The following CDH13 variants were observed in gnomAD, a reference collection of about 807,000 sequenced individuals.
CDH13 encodes the protein cadherin-13.
In CDH13, 24 loss-of-function variants were observed where a neutral mutation model predicts 63.8. That is an observed-to-expected ratio of 0.38 (90% CI 0.27 to 0.53). CDH13 has a LOEUF of 0.53. Ranked by LOEUF, CDH13 falls within the 20% of genes least tolerant of loss-of-function variation. CDH13 has a pLI of 0.85. For missense variants in CDH13, 1,049 were observed against 903.1 expected, an observed-to-expected ratio of 1.16 and a Z score of -2.07; for synonymous variants, 503 against 355.3, an observed-to-expected ratio of 1.42 and a Z score of -4.67.
At chr16:83,023,274 T>A (rs894107966) in intron 2 of CDH13, among the ~76,000 whole-genome samples, 1 of 151,730 alleles carries the variant, frequency 6.6e-6, no homozygotes, top group South Asian at 2.1e-4. Flanking sequence ...TAATTTGCAA[T>A]TTCCCCCAGG....
chr16:83,215,501 G>GAAA (rs59699629), intron 4 of CDH13, among the ~76,000 whole-genome samples: 1 of 148,152 alleles, frequency 6.7e-6, no homozygotes. Context: ...TTTTTAATCG[G>GAAA]AAAAAAAAAA....
At chr16:82,637,519 C>G (rs1908814082) in intron 1 of CDH13, 1 of 147,298 alleles carries the variant, frequency 6.8e-6, no homozygotes, top group African/African-American at 2.6e-5. Context: ...CAAGCTCCGC[C>G]TCCCGGGTTC....
intron 5 of CDH13, among the ~76,000 whole-genome samples, chr16:83,343,092 A>G (rs1254034910): frequency 6.6e-6 from 1 of 151,942 alleles, no homozygotes; most frequent in African/African-American, 2.4e-5. Context: ...TTCTTATTAC[A>G]TGCATTATTT....
chr16:82,880,674 A>T, intron 2 of CDH13, among the ~76,000 whole-genome samples: 1 of 152,188 alleles, frequency 6.6e-6, no homozygotes, highest in East Asian at 1.9e-4. Flanking sequence ...ACTGTAGTGA[A>T]AAACATCTTA....
At chr16:83,682,692 T>A (rs1209939294) in intron 10 of CDH13, among the ~76,000 whole-genome samples, 1 of 152,172 alleles carries the variant, frequency 6.6e-6, no homozygotes, top group Non-Finnish European at 1.5e-5. Context: ...GTCTCTCTGC[T>A]GCTCTGTCTC....
intron 4 of CDH13, among the ~76,000 whole-genome samples, chr16:83,137,175 G>C (rs540305723): frequency 2.0e-5 from 3 of 152,228 alleles, no homozygotes; most frequent in Non-Finnish European, 4.4e-5. Flanking sequence ...CTCATGCCCA[G>C]TTTAGCAGTG....
At chr16:83,388,750 C>G (rs1417807423) in intron 6 of CDH13, among the ~76,000 whole-genome samples, 1 of 152,166 alleles carries the variant, frequency 6.6e-6, no homozygotes, top group Non-Finnish European at 1.5e-5. Flanking sequence ...CCTTCTATCT[C>G]TCCACCACCC....
At chr16:83,329,823 A>C (rs569835167) in intron 5 of CDH13, among the ~76,000 whole-genome samples, 4 of 152,316 alleles carry the variant, frequency 2.6e-5, no homozygotes, top group South Asian at 2.1e-4. Context: ...AATGTCTTCA[A>C]GGTTCACTTA....
At chr16:82,758,074 A>G (rs2034687063) in intron 1 of CDH13, among the ~76,000 whole-genome samples, 1 of 152,108 alleles carries the variant, frequency 6.6e-6, no homozygotes, top group African/African-American at 2.4e-5. Flanking sequence ...ATCTTTGTTC[A>G]TGACCGGTGA....
intron 4 of CDH13, among the ~76,000 whole-genome samples, chr16:83,215,445 G>A (rs116413141): frequency 0.029 from 4,413 of 151,546 alleles, 209 homozygotes; most frequent in African/African-American, 0.1. Flanking sequence ...ACAAACATAT[G>A]TAATTGGTGT....
At chr16:82,806,140 A>G (rs992447485) in intron 1 of CDH13, among the ~76,000 whole-genome samples, 2 of 152,136 alleles carry the variant, frequency 1.3e-5, no homozygotes, top group African/African-American at 2.4e-5. Flanking sequence ...CCACTGTTTT[A>G]GTCTTTTCCC....
At chr16:83,022,409 G>T (rs1363837787) in intron 2 of CDH13, among the ~76,000 whole-genome samples, 1 of 152,206 alleles carries the variant, frequency 6.6e-6, no homozygotes, top group Non-Finnish European at 1.5e-5. Flanking sequence ...ATGTCCTTGA[G>T]ACAGCTAGTA....
intron 4 of CDH13, among the ~76,000 whole-genome samples, chr16:83,212,019 C>T (rs1272189697): frequency 6.6e-6 from 1 of 152,166 alleles, no homozygotes. Flanking sequence ...GCCTTAACAG[C>T]TGCTGCAACA....
intron 11 of CDH13, among the ~76,000 whole-genome samples, chr16:83,769,024 G>C (rs1455001832): frequency 6.6e-6 from 1 of 152,182 alleles, no homozygotes; most frequent in Non-Finnish European, 1.5e-5. Flanking sequence ...TGACCACAGG[G>C]TCACAGAACG....
At chr16:83,048,119 G>T (rs1473346877) in intron 3 of CDH13, among the ~76,000 whole-genome samples, 1 of 152,198 alleles carries the variant, frequency 6.6e-6, no homozygotes, top group African/African-American at 2.4e-5. Flanking sequence ...CCTGGAGAAT[G>T]ATTTCCGCAT....
chr16:82,856,134 T>C (rs1012840468), intron 1 of CDH13, among the ~76,000 whole-genome samples: 6 of 152,014 alleles, frequency 3.9e-5, no homozygotes, highest in African/African-American at 1.4e-4. Flanking sequence ...CCCAGCACTT[T>C]GGGAGGCCGA....
chr16:83,008,540 G>T lies in CDH13; in HGVS notation c.158-23470G>T, dbSNP rs571994726. On this transcript the variant is annotated intron_variant, in intron 2 of 13. Coordinates refer to ENST00000567109, the MANE Select transcript of CDH13 (RefSeq NM_001257.5). ...AAAGTATGTTATGGAGAAGGCTGTA[G>T]GTTAGAACAGGAACTTTAACTCCTA... is the stretch of plus-strand genomic sequence containing the variant. Among the ~76,000 whole-genome samples the T allele has an allele frequency of 1.1e-4, 16 of 152,322 alleles. No homozygotes were observed. The South Asian group carries it at 3.3e-3, about 32-fold the overall frequency.
At chr16:83,425,090 A>G (rs1049217751) in intron 6 of CDH13, among the ~76,000 whole-genome samples, 2 of 152,224 alleles carry the variant, frequency 1.3e-5, no homozygotes, top group African/African-American at 4.8e-5. Flanking sequence ...CTCGGTCAAG[A>G]AAGAGCTGTG....
chr16:82,770,628 A>G (rs888448452), intron 1 of CDH13, among the ~76,000 whole-genome samples: 4 of 152,230 alleles, frequency 2.6e-5, no homozygotes, highest in African/African-American at 9.6e-5. Flanking sequence ...TTAAGCAGTC[A>G]ATTTTCAATT....
Sources: allele counts gnomAD v4.1 joint callset (sites outside exome capture counted in the v4.1 genomes callset), GRCh38; gene constraint gnomAD v4.1.1; transcripts MANE v1.5; gene names NCBI Gene and HGNC (gene_info 2026-07-23, HGNC 2026-07-21).